Variants in STARD9 observed in about 807,000 individuals in gnomAD.
The protein encoded by STARD9 is StAR related lipid transfer domain containing 9.
In STARD9, 346 loss-of-function variants were observed where a neutral mutation model predicts 399.8. That is an observed-to-expected ratio of 0.87 (90% CI 0.79 to 0.95). The LOEUF (loss-of-function observed/expected upper bound fraction) is 0.95, where lower values mean the gene tolerates loss of function less well. Among genes scored for constraint, STARD9 ranks in the 40% least tolerant of loss-of-function variants. The pLI is 0.00. For synonymous variants in STARD9, 2,203 were observed against 2,143.5 expected, an observed-to-expected ratio of 1.03 and a Z score of -0.77; for missense variants, 5,832 against 5,667.5, an observed-to-expected ratio of 1.03 and a Z score of -0.93.
intron 15 of STARD9, among the ~76,000 whole-genome samples, chr15:42,667,639 A>T (rs984806431): frequency 2.0e-5 from 3 of 150,420 alleles, no homozygotes; most frequent in Non-Finnish European, 4.4e-5. Flanking sequence ...CTGCCACGCC[A>T]GGCTAATTTT....
intron 20 of STARD9, among the ~76,000 whole-genome samples, chr15:42,676,206 GACTTTTTTCATC>G (rs1555402057): frequency 6.6e-6 from 1 of 152,072 alleles, no homozygotes; most frequent in Non-Finnish European, 1.5e-5. Flanking sequence ...TTGGTATTTC[GACTTTTTTCATC>G]ACTGAAAGAG....
At chr15:42,610,145 G>A (rs1345323929) in intron 3 of STARD9, among the ~76,000 whole-genome samples, 3 of 152,118 alleles carry the variant, frequency 2.0e-5, no homozygotes, top group African/African-American at 7.2e-5. Context: ...GTCTCATTTT[G>A]TGATCATTTA....
At position 42,592,549 on chromosome 15, in the gene STARD9, A is replaced by G. The variant is rs1185064329; in HGVS notation, c.234+6912A>G. 2.0e-5 allele frequency among the ~76,000 whole-genome samples: 3 copies of G among 151,902 alleles called. 1 individual carries two copies. On this transcript the variant is annotated intron_variant, in intron 3 of 32. Coordinates refer to ENST00000290607, the MANE Select transcript of STARD9 (RefSeq NM_020759.3). ...AATCTCCGCCTTCCGGTTTCTAGCA[A>G]TTCTCCTGCCTCCGCCTCCCGAGTA...
At position 42,686,789 on chromosome 15, in the gene STARD9, T is replaced by G. The variant is rs1416805101; in HGVS notation, c.5211T>G (p.Ser1737=). The change falls in exon 23 of 33, where the codon TCT becomes TCG. Residue 1737 remains serine, a synonymous_variant. Coordinates refer to ENST00000290607, the MANE Select transcript of STARD9 (RefSeq NM_020759.3). ...LHSAPWNPLS[S]SLQPPLLETF... ...CTGCTCCCTGGAATCCATTGTCATC[T>G]TCCCTGCAGCCCCCACTCTTGGAAA... 1.3e-6 allele frequency: 2 copies of G among 1,537,336 alleles called. No homozygotes were observed. Among genetic ancestry groups the G allele is most frequent in the Non-Finnish European group, 1.7e-6 (2 of 1,146,932 alleles).
intron 20 of STARD9, 61 bp downstream of exon 20, chr15:42,676,036 A>G (rs527265493): frequency 7.1e-6 from 3 of 421,280 alleles, no homozygotes; most frequent in East Asian, 7.8e-5. Flanking sequence ...AGTCCATGAC[A>G]GCATGGATCA....
At chr15:42,717,851 G>A in intron 29 of STARD9, 56 bp downstream of exon 29, 1 of 1,519,168 alleles carries the variant, frequency 6.6e-7, no homozygotes, top group South Asian at 1.2e-5. Context: ...TTGTCACCCT[G>A]CTTGGCTTCT....
intron 20 of STARD9, among the ~76,000 whole-genome samples, chr15:42,680,593 C>T (rs997482073): frequency 6.6e-6 from 1 of 152,028 alleles, no homozygotes; most frequent in Admixed American, 6.5e-5. Context: ...GAGTGAGACC[C>T]TGTCTCAAAA....
At chr15:42,717,593 C>A in intron 28 of STARD9, 138 bp from the exon 29 acceptor site, 1 of 779,362 alleles carries the variant, frequency 1.3e-6, no homozygotes, top group Non-Finnish European at 2.1e-6. Flanking sequence ...CCACTCCACT[C>A]CAGCCTGGGT....
chr15:42,624,663 C>T (rs2059161485), intron 3 of STARD9, among the ~76,000 whole-genome samples: 2 of 151,948 alleles, frequency 1.3e-5, no homozygotes, highest in Admixed American at 6.6e-5. Flanking sequence ...ATTCTTCTGC[C>T]CAAGCCTCCC....
rs999849998 is a variant in STARD9 at position 42,684,773 on chromosome 15, C to T, written c.3195C>T (p.Gly1065=). ...ITKKSSHLPL[G]SPLKRQQNTR... is the part of the protein sequence containing the mutation. Reference sequence around the variant, plus strand: ...AAAAGTCCTCTCACTTGCCTCTTGGCAGTCCTTTGAAGAGACAACAAAATA... The same window carrying T: ...AAAAGTCCTCTCACTTGCCTCTTGGTAGTCCTTTGAAGAGACAACAAAATA... The change falls in exon 23 of 33, where the codon GGC becomes GGT. Residue 1065 remains glycine, a synonymous_variant. Transcript: ENST00000290607. 2 of 1,537,264 alleles carry T rather than the reference C, an allele frequency of 1.3e-6. No individual in the cohort carries two copies. The highest frequency in any genetic ancestry group is 2.4e-5 in the South Asian group (2 of 84,062).
intron 20 of STARD9, among the ~76,000 whole-genome samples, chr15:42,676,567 C>T (rs1159579360): frequency 2.0e-5 from 3 of 152,220 alleles, no homozygotes; most frequent in African/African-American, 4.8e-5. Context: ...TGCATTGTAA[C>T]TATGAAACAT....
chr15:42,655,156 C>A (rs2059841385), intron 9 of STARD9, among the ~76,000 whole-genome samples: 1 of 152,152 alleles, frequency 6.6e-6, no homozygotes, highest in Non-Finnish European at 1.5e-5. Context: ...ATGGCAGGCA[C>A]CTGTAATCCC....
chr15:42,675,247 T>C (rs1039628558), intron 18 of STARD9, among the ~76,000 whole-genome samples: 1 of 152,242 alleles, frequency 6.6e-6, no homozygotes, highest in Admixed American at 6.5e-5. Flanking sequence ...AAAATGGGGA[T>C]AATAATAGAA....
intron 7 of STARD9, among the ~76,000 whole-genome samples, chr15:42,649,862 CTTTTTTT>C (rs765573235): frequency 1.9e-5 from 2 of 107,228 alleles, no homozygotes; most frequent in Non-Finnish European, 3.7e-5. Flanking sequence ...CGAGCCTGGC[CTTTTTTT>C]TTTTTTTTTT....
At chr15:42,714,303 T>C (rs2140407717) in intron 26 of STARD9, among the ~76,000 whole-genome samples, 1 of 152,206 alleles carries the variant, frequency 6.6e-6, no homozygotes, top group Non-Finnish European at 1.5e-5. Context: ...CCTGACCTCG[T>C]GATCCACCCG....
Position 42,691,559 on chromosome 15 carries a change from A to C in STARD9, c.9981A>C (p.Ser3327=). 9.1e-6 allele frequency: 14 copies of C among 1,537,172 alleles called. No homozygotes were observed. Among genetic ancestry groups the C allele is most frequent in the Non-Finnish European group, 1.1e-5 (13 of 1,146,890 alleles). Residue 3327 remains serine (S), a synonymous_variant, in exon 23 of 33, where the codon TCA becomes TCC. Transcript: ENST00000290607. ...GGTCCTCCCCCACACCACAGTTCTC[A>C]GTTGTCGGCTCTTCTCGTTCTCTTC... The part of the protein sequence containing the change: ...HSRSSPTPQF[S]VVGSSRSLQE...
intron 26 of STARD9, among the ~76,000 whole-genome samples, chr15:42,710,343 T>G (rs1346018538): frequency 6.6e-6 from 1 of 152,170 alleles, no homozygotes; most frequent in Non-Finnish European, 1.5e-5. Context: ...AATACGGACG[T>G]GAGCCACCGT....
At chr15:42,702,550 A>G (rs573903654) in intron 26 of STARD9, among the ~76,000 whole-genome samples, 2 of 152,238 alleles carry the variant, frequency 1.3e-5, no homozygotes, top group Non-Finnish European at 2.9e-5. Context: ...CATAGCAAAG[A>G]TAGGAGTTGT....
At position 42,718,877 on chromosome 15, in the gene STARD9, G is replaced by A; in HGVS notation, c.13968G>A (p.Gly4656=). Residue 4656 remains glycine, a synonymous_variant, in exon 32 of 33, where the codon GGG becomes GGA. Coordinates refer to ENST00000290607, the MANE Select transcript of STARD9 (RefSeq NM_020759.3). ...TCTTGCAGCCCATCACTGTGGAAGG[G>A]AAGGAAGTCACCAGAGTCATCTACT... ...AWILQPITVE[G]KEVTRVIYLA... is the part of the protein sequence containing the mutation. 1 of 1,537,264 alleles carries A rather than the reference G, an allele frequency of 6.5e-7. No individual in the cohort carries two copies. Among genetic ancestry groups the A allele is most frequent in the Non-Finnish European group, 8.7e-7 (1 of 1,146,894 alleles).
Sources: gnomAD v4.1 joint callset for allele counts (sites outside exome capture counted in the v4.1 genomes callset) on GRCh38, gnomAD v4.1.1 for gene constraint, MANE v1.5 for transcripts, NCBI Gene and HGNC (gene_info 2026-07-23, HGNC 2026-07-21) for gene names.